LRRC40: variants seen among roughly 807,000 people sequenced by gnomAD.
LRRC40 encodes the protein leucine rich repeat containing 40.
In LRRC40, 76 loss-of-function variants were observed where a neutral mutation model predicts 72.8. That is an observed-to-expected ratio of 1.04 (90% confidence interval 0.87 to 1.26). The LOEUF (loss-of-function observed/expected upper bound fraction) is 1.26, where lower values mean the gene tolerates loss of function less well. Ranked by LOEUF, LRRC40 falls within the 50% of genes most tolerant of loss-of-function variation. The pLI is 0.00. For missense variants in LRRC40, 684 were observed against 698.9 expected (o/e 0.98, Z 0.24); for synonymous variants, 243 against 254.2 (o/e 0.96, Z 0.42).
intron 1 of LRRC40, among the ~76,000 whole-genome samples, chr1:70,198,725 TATTA>T (rs538351985): frequency 5.8e-4 from 89 of 152,320 alleles, no homozygotes; most frequent in African/African-American, 1.7e-3. Flanking sequence ...TATGAATACA[TATTA>T]ATTAATAGTA....
At chr1:70,173,363 C>T in intron 9 of LRRC40, 102 bp downstream of exon 9, 1 of 798,044 alleles carries the variant, frequency 1.3e-6, no homozygotes, top group Non-Finnish European at 2.1e-6. Flanking sequence ...GGATCTATTA[C>T]TTCCAAATAT....
chr1:70,150,752 T>C (rs1667460551), intron 13 of LRRC40, among the ~76,000 whole-genome samples: 1 of 152,218 alleles, frequency 6.6e-6, no homozygotes, highest in African/African-American at 2.4e-5. Context: ...ACTAGAATGC[T>C]CTCTACCTGA....
At chr1:70,190,481 G>C (rs190655884) in intron 1 of LRRC40, among the ~76,000 whole-genome samples, 1 of 150,960 alleles carries the variant, frequency 6.6e-6, no homozygotes, top group Non-Finnish European at 1.5e-5. Flanking sequence ...ATGAGTTTGA[G>C]ACCAGCCTAG....
chr1:70,188,299 G>A (rs1668412736), intron 2 of LRRC40, among the ~76,000 whole-genome samples: 1 of 151,936 alleles, frequency 6.6e-6, no homozygotes, highest in South Asian at 2.1e-4. Context: ...CTTTACCACA[G>A]GACATGGCAA....
chr1:70,150,793 C>T (rs116514705), intron 13 of LRRC40, among the ~76,000 whole-genome samples: 65 of 152,306 alleles, frequency 4.3e-4, no homozygotes, highest in African/African-American at 1.5e-3. Context: ...TTTCAAACCT[C>T]AGTTTCAATG....
At chr1:70,146,872 C>A (rs1023510935) in intron 14 of LRRC40, among the ~76,000 whole-genome samples, 19 of 152,066 alleles carry the variant, frequency 1.2e-4, no homozygotes, top group African/African-American at 3.9e-4. Flanking sequence ...AATAAAATAT[C>A]TTCAATTAAG....
chr1:70,168,160 G>A (rs961002119), intron 9 of LRRC40, among the ~76,000 whole-genome samples: 11 of 152,180 alleles, frequency 7.2e-5, no homozygotes, highest in African/African-American at 2.7e-4. Context: ...CCTGAGAGGA[G>A]TGTCAGCATT....
At chr1:70,181,044 C>T (rs1668233472) in intron 5 of LRRC40, 42 bp downstream of exon 5, 2 of 1,341,718 alleles carry the variant, frequency 1.5e-6, no homozygotes, top group Non-Finnish European at 2.1e-6. Flanking sequence ...TAAGTTGCAC[C>T]AACTTCAAAT....
chr1:70,187,178 A>G lies in LRRC40; in HGVS notation c.407+87T>C, dbSNP rs1211566494. On this transcript the variant is annotated intron_variant, in intron 3 of 14. Coordinates refer to ENST00000370952, the MANE Select transcript of LRRC40 (RefSeq NM_017768.5). ...AACTACTTTCTGAGATAATTCAAAG[A>G]TATTTTTAATGTTGAGAAAATTTAA... The G allele has an allele frequency of 1.0e-5, 7 of 672,040 alleles. No homozygotes were observed. In the Admixed American group the frequency reaches 1.1e-4, roughly 11 times the overall value. The allele number at this position is 672,040 out of a possible 1,614,324, so 41.6% of individuals were successfully genotyped here. A position where few individuals can be genotyped will look rare whatever the true frequency, so the allele number is the denominator to read the frequency against.
intron 9 of LRRC40, among the ~76,000 whole-genome samples, chr1:70,160,631 T>C (rs1416613936): frequency 6.6e-6 from 1 of 152,084 alleles, no homozygotes; most frequent in Non-Finnish European, 1.5e-5. Flanking sequence ...TTTTAAAATA[T>C]CTATGTATAC....
intron 9 of LRRC40, among the ~76,000 whole-genome samples, chr1:70,161,835 A>T (rs1667771163): frequency 6.6e-6 from 1 of 152,210 alleles, no homozygotes; most frequent in Admixed American, 6.5e-5. Flanking sequence ...TCCATCACAC[A>T]TAAACTGGTA....
chr1:70,188,289 C>G (rs1199044128), intron 2 of LRRC40, among the ~76,000 whole-genome samples: 1 of 152,110 alleles, frequency 6.6e-6, no homozygotes, highest in Non-Finnish European at 1.5e-5. Flanking sequence ...TTGTGCTTCA[C>G]TTTACCACAG....
At chr1:70,186,050 T>C (rs1447284189) in intron 3 of LRRC40, among the ~76,000 whole-genome samples, 1 of 152,180 alleles carries the variant, frequency 6.6e-6, no homozygotes, top group East Asian at 1.9e-4. Context: ...AAATGATGTC[T>C]TCTAAAACAA....
At chr1:70,197,296 AT>A (rs200760835) in intron 1 of LRRC40, among the ~76,000 whole-genome samples, 7 of 150,288 alleles carry the variant, frequency 4.7e-5, no homozygotes, top group South Asian at 2.1e-4. Context: ...ATTTTATTTT[AT>A]TTTTTTTTGA....
intron 9 of LRRC40, among the ~76,000 whole-genome samples, chr1:70,163,321 T>A (rs918989417): frequency 2.6e-5 from 4 of 152,138 alleles, no homozygotes; most frequent in African/African-American, 9.7e-5. Flanking sequence ...TCTCCTGACC[T>A]TCTGATCCGC....
At position 70,192,973 on chromosome 1, in the gene LRRC40, TA is replaced by T. The variant is rs956932454; in HGVS notation, c.152-3701del. Among the ~76,000 whole-genome samples, 6 of 150,764 alleles carry T rather than the reference TA, an allele frequency of 4.0e-5. No individual in the cohort carries two copies. In the East Asian group the frequency reaches 7.7e-4, roughly 19 times the overall value. On this transcript the variant is annotated intron_variant, in intron 1 of 14. Coordinates refer to ENST00000370952, the MANE Select transcript of LRRC40 (RefSeq NM_017768.5). The stretch of plus-strand genomic sequence containing the variant: ...TACCCTTGAACCTAAAATAAATGTT[TA>T]AAAAAAAACAGTATAATGGAATAAA...
At chr1:70,161,249 T>G (rs1288613415) in intron 9 of LRRC40, among the ~76,000 whole-genome samples, 1 of 151,120 alleles carries the variant, frequency 6.6e-6, no homozygotes, top group Admixed American at 6.6e-5. Context: ...CACGCCCAGC[T>G]AATTTTTTGT....
chr1:70,161,192 C>G (rs1029762307), intron 9 of LRRC40, among the ~76,000 whole-genome samples: 1 of 151,474 alleles, frequency 6.6e-6, no homozygotes, highest in Non-Finnish European at 1.5e-5. Flanking sequence ...TCACGCCATT[C>G]TCCTGCCTCA....
chr1:70,173,740 G>T (rs1476615704), intron 7 of LRRC40, 31 bp from the exon 8 acceptor site: 1 of 1,111,300 alleles, frequency 9.0e-7, no homozygotes. Flanking sequence ...TTCAGGGAAA[G>T]CATCAAATAT....
Sources: gnomAD v4.1 joint callset for allele counts (sites outside exome capture counted in the v4.1 genomes callset) on GRCh38, gnomAD v4.1.1 for gene constraint, MANE v1.5 for transcripts, NCBI Gene and HGNC (gene_info 2026-07-23, HGNC 2026-07-21) for gene names.